Variants in SPATA16 observed in about 807,000 individuals in gnomAD.
SPATA16 encodes spermatogenesis associated 16, also known as spermatogenesis-associated protein 16.
Under a neutral mutation model 63.3 loss-of-function variants are expected in SPATA16, and 36 were observed. The ratio of observed to expected loss-of-function variants is 0.57; its 90% CI spans 0.44 to 0.75. The LOEUF (loss-of-function observed/expected upper bound fraction) is 0.75. Ranked by LOEUF, SPATA16 falls within the 30% of genes least tolerant of loss-of-function variation. The probability of loss-of-function intolerance (pLI) is 0.00; values close to 1 mark genes in which losing one functional copy is unlikely to be tolerated. For missense variants in SPATA16, 646 were observed against 679.3 expected, an observed-to-expected ratio of 0.95 and a Z score of 0.54; for synonymous variants, 203 against 216.7, an observed-to-expected ratio of 0.94 and a Z score of 0.56.
intron 4 of SPATA16, among the ~76,000 whole-genome samples, chr3:172,994,340 C>CA: frequency 1.3e-5 from 2 of 151,980 alleles, no homozygotes; most frequent in African/African-American, 4.8e-5. Context: ...ATAGATAGCA[C>CA]AAAAAAAGAG....
At position 172,900,791 on chromosome 3, in the gene SPATA16, C is replaced by A. The variant is rs1680857065; in HGVS notation, c.1588-11099G>T. ...GAGTAGCTGGGATTATAGGCACATG[C>A]CACCACGCCCAGCTAATTTTTTGTA... is the stretch of plus-strand genomic sequence containing the variant. On this transcript the variant is annotated intron_variant, in intron 10 of 10. Coordinates refer to ENST00000351008, the MANE Select transcript of SPATA16 (RefSeq NM_031955.6). Among the ~76,000 whole-genome samples the A allele has an allele frequency of 2.0e-5, 3 of 152,064 alleles. No homozygotes were observed. In the South Asian group the frequency reaches 6.2e-4, roughly 32 times the overall value.
intron 2 of SPATA16, among the ~76,000 whole-genome samples, chr3:173,059,167 C>T (rs1312886688): frequency 1.3e-4 from 19 of 151,864 alleles, no homozygotes; most frequent in Non-Finnish European, 2.2e-4. Context: ...ACTAGAATTG[C>T]GGAAGGTTTG....
chr3:173,014,686 A>G (rs1160997615), intron 4 of SPATA16, among the ~76,000 whole-genome samples: 1 of 152,246 alleles, frequency 6.6e-6, no homozygotes. Context: ...TGCAAAGTTG[A>G]ACCTACATTC....
chr3:172,911,687 C>T (rs1008901026), intron 10 of SPATA16, among the ~76,000 whole-genome samples: 2 of 152,200 alleles, frequency 1.3e-5, no homozygotes, highest in Non-Finnish European at 2.9e-5. Flanking sequence ...GCAAACCTTT[C>T]CCTATTCCCT....
chr3:173,069,232 A>T (rs897024263), intron 2 of SPATA16, among the ~76,000 whole-genome samples: 9 of 152,146 alleles, frequency 5.9e-5, no homozygotes. Flanking sequence ...CAAAATTAAC[A>T]AACTTTTAGC....
chr3:173,093,076 C>CACATAT (rs372317726), intron 2 of SPATA16, among the ~76,000 whole-genome samples: 7 of 144,050 alleles, frequency 4.9e-5, no homozygotes, highest in South Asian at 2.2e-4. Flanking sequence ...CACACACACA[C>CACATAT]ATATATATAT....
At chr3:172,965,778 A>G (rs971788865) in intron 5 of SPATA16, among the ~76,000 whole-genome samples, 3 of 151,918 alleles carry the variant, frequency 2.0e-5, no homozygotes, top group Non-Finnish European at 4.4e-5. Context: ...GGGTTTCACC[A>G]TGTTGGCCAG....
chr3:173,140,304 T>C (rs10460879), intron 1 of SPATA16, among the ~76,000 whole-genome samples: 61,861 of 152,080 alleles, frequency 0.41, 14,046 homozygotes, highest in African/African-American at 0.62. Flanking sequence ...AACACTTCCC[T>C]GATGCTTCAA....
chr3:173,139,705 G>A (rs1253803180), intron 1 of SPATA16, among the ~76,000 whole-genome samples: 2 of 152,208 alleles, frequency 1.3e-5, no homozygotes, highest in South Asian at 2.1e-4. Flanking sequence ...AGAAAGAATA[G>A]CCGGGCGTAG....
chr3:173,017,654 C>T (rs139066756), intron 4 of SPATA16, among the ~76,000 whole-genome samples: 109 of 152,256 alleles, frequency 7.2e-4, no homozygotes, highest in African/African-American at 2.5e-3. Context: ...GAATATTTAA[C>T]AATTTGATCT....
At chr3:172,929,863 T>C (rs79186546) in intron 6 of SPATA16, among the ~76,000 whole-genome samples, 3,894 of 152,320 alleles carry the variant, frequency 0.026, 74 homozygotes, top group Non-Finnish European at 0.039. Flanking sequence ...TCAAAAGTGA[T>C]TTTCATAATC....
intron 4 of SPATA16, among the ~76,000 whole-genome samples, chr3:172,978,810 C>T (rs2065994776): frequency 6.6e-6 from 1 of 152,208 alleles, no homozygotes; most frequent in South Asian, 2.1e-4. Context: ...ATAGACAATA[C>T]ATAAACCAAT....
chr3:173,045,703 C>CA (rs1735942616), intron 3 of SPATA16, among the ~76,000 whole-genome samples: 1 of 151,988 alleles, frequency 6.6e-6, no homozygotes. Context: ...TGATTTCCTT[C>CA]ACAGCATTTA....
At chr3:172,919,024 A>G (rs745568215) in intron 8 of SPATA16, among the ~76,000 whole-genome samples, 4 of 152,258 alleles carry the variant, frequency 2.6e-5, no homozygotes, top group Admixed American at 6.5e-5. Flanking sequence ...ATTATTGTTC[A>G]TTTCAAATGT....
chr3:173,107,455 A>T (rs78890551), intron 2 of SPATA16, among the ~76,000 whole-genome samples: 18,932 of 143,278 alleles, frequency 0.13, 1,286 homozygotes, highest in East Asian at 0.26. Context: ...CTCTCTCTCT[A>T]TTTTTTTTTT....
chr3:173,036,924 T>C (rs1022035180), intron 3 of SPATA16, among the ~76,000 whole-genome samples: 2 of 152,018 alleles, frequency 1.3e-5, no homozygotes, highest in African/African-American at 4.8e-5. Context: ...AGTGAGTAAA[T>C]AAATATGTTT....
At chr3:172,948,137 G>A (rs1039708976) in intron 6 of SPATA16, among the ~76,000 whole-genome samples, 1 of 151,994 alleles carries the variant, frequency 6.6e-6, no homozygotes. Flanking sequence ...CAAGGTTATA[G>A]AACACCAAGC....
chr3:172,992,792 C>T (rs1734609598), intron 4 of SPATA16, among the ~76,000 whole-genome samples: 1 of 152,110 alleles, frequency 6.6e-6, no homozygotes, highest in Non-Finnish European at 1.5e-5. Flanking sequence ...TAGGAAAGGA[C>T]TCCTCCCATC....
intron 4 of SPATA16, among the ~76,000 whole-genome samples, chr3:172,978,190 T>G (rs922187764): frequency 6.6e-6 from 1 of 151,580 alleles, no homozygotes; most frequent in Non-Finnish European, 1.5e-5. Context: ...CAGGTAGTAT[T>G]GGAAAGAAGC....
Sources: allele counts gnomAD v4.1 joint callset (sites outside exome capture counted in the v4.1 genomes callset), GRCh38; gene constraint gnomAD v4.1.1; transcripts MANE v1.5; gene names NCBI Gene and HGNC (gene_info 2026-07-23, HGNC 2026-07-21).